Variants in IQCB1 observed in about 807,000 individuals in gnomAD.
IQCB1 encodes the protein IQ calmodulin-binding motif-containing protein 1.
In IQCB1, 56 loss-of-function variants were observed where a neutral mutation model predicts 84.4. The observed-to-expected ratio is 0.66, with a 90% CI of 0.54 to 0.83. The LOEUF (loss-of-function observed/expected upper bound fraction) is 0.83. Ranked by LOEUF, IQCB1 falls within the 40% of genes least tolerant of loss-of-function variation. IQCB1 has a pLI of 0.00. For synonymous variants in IQCB1, 210 were observed against 234.8 expected (o/e 0.89, Z 0.96); for missense variants, 629 against 682.1 (o/e 0.92, Z 0.87).
rs530156217 is a variant in IQCB1, at chr3:121,785,170, C to T, written c.1278+3114G>A. Reference sequence around the variant, plus strand: ...ACAGAAGGTGGATAACTGTTCTGGCCTTTCTTTTCCTGCCAAGGACACTAA... The same window carrying T: ...ACAGAAGGTGGATAACTGTTCTGGCTTTTCTTTTCCTGCCAAGGACACTAA... On this transcript the variant is annotated intron_variant, in intron 12 of 14. Transcript: ENST00000310864. 1.8e-4 allele frequency among the ~76,000 whole-genome samples: 27 copies of T among 152,158 alleles called. No homozygotes were observed. In the South Asian group the frequency reaches 5.4e-3, roughly 30 times the overall value.
At chr3:121,827,212 T>C (rs2331963) in intron 4 of IQCB1, among the ~76,000 whole-genome samples, 4 of 151,534 alleles carry the variant, frequency 2.6e-5, no homozygotes, top group African/African-American at 9.7e-5. Context: ...AAACATTGAG[T>C]ATGCAATTTA....
At chr3:121,799,453 C>G (rs969222681) in intron 7 of IQCB1, 79 bp from the exon 8 acceptor site, 5 of 879,386 alleles carry the variant, frequency 5.7e-6, no homozygotes, top group Admixed American at 4.6e-5. Flanking sequence ...ATATAAGATT[C>G]AGTAACTTGA....
intron 12 of IQCB1, among the ~76,000 whole-genome samples, chr3:121,783,816 G>GTTA: frequency 6.6e-6 from 1 of 151,882 alleles, no homozygotes; most frequent in East Asian, 1.9e-4. Context: ...TCCTTCTCAG[G>GTTA]TTATTCCCTC....
chr3:121,820,866 A>G (rs371719630), intron 5 of IQCB1, among the ~76,000 whole-genome samples: 4 of 151,854 alleles, frequency 2.6e-5, no homozygotes, highest in African/African-American at 9.7e-5. Context: ...AGCTTACTAC[A>G]ATAATTTAAA....
At chr3:121,800,221 A>C (rs769558412) in intron 7 of IQCB1, among the ~76,000 whole-genome samples, 9 of 151,918 alleles carry the variant, frequency 5.9e-5, no homozygotes, top group Non-Finnish European at 1.3e-4. Context: ...TTACTTCTAC[A>C]TTTCTTCGAC....
chr3:121,770,635 T>G (rs1382200554), intron 14 of IQCB1, 61 bp from the exon 15 acceptor site: 1 of 1,293,164 alleles, frequency 7.7e-7, no homozygotes, highest in Non-Finnish European at 1.1e-6. Flanking sequence ...AGGTAGGAAC[T>G]TGGAAGCTAC....
rs779440486 is a variant in IQCB1, at chr3:121,770,506, C to A, written c.1636G>T (p.Ala546Ser). ...ELFLSRSRPVAAKAKQAHLTT... is the reference protein window; with the variant it reads ...ELFLSRSRPVSAKAKQAHLTT... ...AGATGGGCCTGCTTGGCCTTGGCTG[C>A]CACAGGCCTGGATCTACTTAGGAAG... Residue 546 changes from alanine (A) to serine (S), a missense_variant, in exon 15 of 15, where the codon GCA becomes TCA. Coordinates refer to ENST00000310864, the MANE Select transcript of IQCB1 (RefSeq NM_001023570.4). The A allele has an allele frequency of 1.2e-6, 2 of 1,614,186 alleles. No individual in the cohort carries two copies. Among genetic ancestry groups the A allele is most frequent in the East Asian group, 2.2e-5 (1 of 44,890 alleles).
intron 13 of IQCB1, among the ~76,000 whole-genome samples, chr3:121,781,107 G>A (rs1335708255): frequency 6.6e-6 from 1 of 152,210 alleles, no homozygotes; most frequent in African/African-American, 2.4e-5. Context: ...CAGCAAAGGT[G>A]CAGGTGATTA....
At chr3:121,773,638 C>T (rs570978977) in intron 13 of IQCB1, among the ~76,000 whole-genome samples, 5 of 152,264 alleles carry the variant, frequency 3.3e-5, no homozygotes, top group Non-Finnish European at 5.9e-5. Context: ...CCCTGTTCCA[C>T]TAAAACCTTA....
intron 10 of IQCB1, among the ~76,000 whole-genome samples, chr3:121,793,470 A>T (rs777492625): frequency 6.6e-6 from 1 of 152,230 alleles, no homozygotes; most frequent in Non-Finnish European, 1.5e-5. Flanking sequence ...CCTGAGCACA[A>T]AAAGACAGAA....
intron 14 of IQCB1, among the ~76,000 whole-genome samples, chr3:121,770,873 T>G (rs999050755): frequency 6.6e-6 from 1 of 152,186 alleles, no homozygotes; most frequent in African/African-American, 2.4e-5. Flanking sequence ...GATCTCACTA[T>G]GCTGCCCAGG....
rs1417984483 is a variant in IQCB1, at chr3:121,769,916, T to G, written c.*429A>C. On this transcript the variant is annotated 3_prime_UTR_variant, in exon 15 of 15. Coordinates refer to ENST00000310864, the MANE Select transcript of IQCB1 (RefSeq NM_001023570.4). ...ATTTCTTTTCCTCACATTAATAAAG[T>G]CTGCACACACCTCCTATGTTAACAG... is the stretch of plus-strand genomic sequence containing the variant. 5.9e-6 allele frequency: 1 copy of G among 168,748 alleles called. No individual in the cohort carries two copies. 10.5% of individuals were successfully genotyped at this position (168,748 alleles called of 1,614,324 possible).
chr3:121,781,632 T>TACACAC lies in IQCB1; in HGVS notation c.1410+105_1410+110dup, dbSNP rs57816005. The TACACAC allele has an allele frequency of 0.016, 13,159 of 820,174 alleles. 127 individuals carry two copies. The highest frequency in any genetic ancestry group is 0.068 in the African/African-American group (3,955 of 58,046). 50.8% of individuals were successfully genotyped at this position (820,174 alleles called of 1,614,324 possible). On this transcript the variant is annotated intron_variant, in intron 13 of 14. Coordinates refer to ENST00000310864, the MANE Select transcript of IQCB1 (RefSeq NM_001023570.4). ...CATTACCTTATACCAGCAATAAATG[T>TACACAC]ACACACACACACACACACACACACA...
intron 12 of IQCB1, among the ~76,000 whole-genome samples, chr3:121,787,417 A>T (rs539931003): frequency 6.6e-5 from 10 of 152,332 alleles, no homozygotes; most frequent in Admixed American, 2.0e-4. Context: ...CAAGGCAACA[A>T]AATAGTACTA....
intron 13 of IQCB1, among the ~76,000 whole-genome samples, chr3:121,774,635 T>C (rs1291331348): frequency 6.6e-6 from 1 of 152,180 alleles, no homozygotes; most frequent in South Asian, 2.1e-4. Context: ...CTTGAAGACA[T>C]TATACTAACT....
At position 121,835,049 on chromosome 3, in the gene IQCB1, G is replaced by C. The variant is rs553719849; in HGVS notation, c.-185C>G. On this transcript the variant is annotated 5_prime_UTR_variant, in exon 1 of 15. Transcript: ENST00000310864. The stretch of plus-strand genomic sequence containing the variant: ...GCGCCGCGGCCTTCCGGGGCAGCGT[G>C]CGTCGCGACGCGGGAAGGGGCCTGG... The C allele has an allele frequency of 4.3e-5, 25 of 575,192 alleles. No individual in the cohort carries two copies. The South Asian group carries it at 5.3e-4, about 12-fold the overall frequency. The allele number at this position is 575,192 out of a possible 1,614,324, so 35.6% of individuals were successfully genotyped here.
chr3:121,797,250 A>G (rs1416537006), intron 8 of IQCB1, 23 bp from the exon 9 acceptor site: 1 of 1,033,838 alleles, frequency 9.7e-7, no homozygotes, highest in South Asian at 1.3e-5. Context: ...AGCAAAAGGT[A>G]CAACTATTAT....
Position 121,770,376 on chromosome 3 carries a change from T to C in IQCB1, c.1766A>G (p.Asn589Ser). 6.2e-7 allele frequency: 1 copy of C among 1,613,758 alleles called. No individual in the cohort carries two copies. The highest frequency in any genetic ancestry group is 8.5e-7 in the Non-Finnish European group (1 of 1,179,660). The change falls in exon 15 of 15, where the codon AAT (asparagine) becomes AGT (serine). Residue 589 changes from asparagine (N) to serine (S), a missense_variant. Coordinates refer to ENST00000310864, the MANE Select transcript of IQCB1 (RefSeq NM_001023570.4). ...TGGTTTGGTTCCACCAATGAATAAA[T>C]TTTCTAATTCTATACTAAGCTCATC... Reference protein sequence around the residue: ...PKDELSIELENLFIGGTKPP With the variant: ...PKDELSIELESLFIGGTKPP
intron 4 of IQCB1, among the ~76,000 whole-genome samples, chr3:121,826,598 G>A (rs375099509): frequency 4.6e-5 from 7 of 152,040 alleles, no homozygotes; most frequent in Non-Finnish European, 1.0e-4. Flanking sequence ...TGTTTGCAAG[G>A]GATACATAAG....
Sources: gnomAD v4.1 joint callset for allele counts (sites outside exome capture counted in the v4.1 genomes callset) on GRCh38, gnomAD v4.1.1 for gene constraint, MANE v1.5 for transcripts, NCBI Gene and HGNC (gene_info 2026-07-23, HGNC 2026-07-21) for gene names.